The following EML4 variants were observed in gnomAD, a reference collection of about 807,000 sequenced individuals.
EML4 encodes the protein EMAP like 4, also known as echinoderm microtubule-associated protein-like 4.
A neutral mutation model predicts 129.0 loss-of-function variants in EML4; 72 were observed. That is an observed-to-expected ratio of 0.56 (90% confidence interval 0.46 to 0.68). The LOEUF (loss-of-function observed/expected upper bound fraction) is 0.68. Ranked by LOEUF, EML4 falls within the 30% of genes least tolerant of loss-of-function variation. The probability of loss-of-function intolerance (pLI) is 0.00; values close to 1 mark genes in which losing one functional copy is unlikely to be tolerated. For synonymous variants in EML4, 532 were observed against 405.0 expected, an observed-to-expected ratio of 1.31 and a Z score of -3.77; for missense variants, 1,363 against 1,190.6, an observed-to-expected ratio of 1.14 and a Z score of -2.13.
chr2:42,261,240 C>G lies in EML4; in HGVS notation c.458C>G (p.Pro153Arg). The change falls in exon 4 of 23, where the codon CCT becomes CGT. Residue 153 changes from proline (P) to arginine (R), a missense_variant. Coordinates refer to ENST00000318522, the MANE Select transcript of EML4 (RefSeq NM_019063.5). ...ASPSPQPSSQ[P>R]LQIHRQTPES... ...CCTTCTCCCCAGCCCTCTTCACAAC[C>G]TCTCCAAATACACAGACAAACTCCA... 1 of 1,614,006 alleles carries G rather than the reference C, an allele frequency of 6.2e-7. No individual in the cohort carries two copies. Among genetic ancestry groups the G allele is most frequent in the East Asian group, 2.2e-5 (1 of 44,852 alleles).
At chr2:42,304,637 T>C in intron 17 of EML4, 86 bp downstream of exon 17, 2 of 999,780 alleles carry the variant, frequency 2.0e-6, no homozygotes, top group South Asian at 2.6e-5. Flanking sequence ...ATCTGGAGAA[T>C]TAATCTCTTA....
intron 3 of EML4, among the ~76,000 whole-genome samples, chr2:42,258,095 A>G (rs988624054): frequency 7.2e-5 from 11 of 152,124 alleles, no homozygotes; most frequent in African/African-American, 2.2e-4. Context: ...AGTGATCAGT[A>G]TTATGCACAT....
At position 42,330,275 on chromosome 2, in the gene EML4, G is replaced by C. The variant is rs1222743341; in HGVS notation, c.*68G>C. Reference sequence around the variant, plus strand: ...ATTTTGTGATAAAGTTCAGGTAACAGGATGGGCAGTGATGGAGAATCACTG... The same window carrying C: ...ATTTTGTGATAAAGTTCAGGTAACACGATGGGCAGTGATGGAGAATCACTG... On this transcript the variant is annotated 3_prime_UTR_variant, in exon 23 of 23. Coordinates refer to ENST00000318522, the MANE Select transcript of EML4 (RefSeq NM_019063.5). The C allele has an allele frequency of 2.1e-6, 3 of 1,398,808 alleles. No individual in the cohort carries two copies. The highest frequency in any genetic ancestry group is 2.3e-5 in the East Asian group (1 of 43,398). The allele number at this position is 1,398,808 out of a possible 1,614,324, so 86.6% of individuals were successfully genotyped here. A position where few individuals can be genotyped will look rare whatever the true frequency, so the allele number is the denominator to read the frequency against.
chr2:42,246,912 G>C (rs1675437614), intron 2 of EML4, among the ~76,000 whole-genome samples: 1 of 152,218 alleles, frequency 6.6e-6, no homozygotes, highest in African/African-American at 2.4e-5. Context: ...TTTTAGTGGA[G>C]TAATAGAACT....
At chr2:42,236,147 A>G (rs968720487) in intron 1 of EML4, among the ~76,000 whole-genome samples, 5 of 152,306 alleles carry the variant, frequency 3.3e-5, no homozygotes, top group African/African-American at 1.2e-4. Flanking sequence ...GTTTTATTCT[A>G]AACATTGTAT....
chr2:42,220,822 C>A (rs920998621), intron 1 of EML4, among the ~76,000 whole-genome samples: 9 of 152,148 alleles, frequency 5.9e-5, no homozygotes, highest in African/African-American at 2.2e-4. Flanking sequence ...TAAAGTTAAA[C>A]AGCCTTATTG....
chr2:42,325,748 G>A (rs1029083927), intron 20 of EML4, among the ~76,000 whole-genome samples, 194 bp downstream of exon 20: 1 of 150,840 alleles, frequency 6.6e-6, no homozygotes, highest in Admixed American at 6.6e-5. Flanking sequence ...GTTATGCTGA[G>A]CTAAGGTAAT....
chr2:42,242,873 G>A (rs1395525923), intron 1 of EML4, among the ~76,000 whole-genome samples: 1 of 151,852 alleles, frequency 6.6e-6, no homozygotes, highest in Non-Finnish European at 1.5e-5. Flanking sequence ...CTTTGACTGG[G>A]TTTAAGTGAG....
At chr2:42,296,579 C>T (rs1667970163) in intron 13 of EML4, among the ~76,000 whole-genome samples, 1 of 152,000 alleles carries the variant, frequency 6.6e-6, no homozygotes, top group South Asian at 2.1e-4. Flanking sequence ...TCAGAAAGAC[C>T]CGATTTACAT....
At chr2:42,240,668 TA>T (rs1275728137) in intron 1 of EML4, among the ~76,000 whole-genome samples, 2 of 152,210 alleles carry the variant, frequency 1.3e-5, no homozygotes, top group Non-Finnish European at 2.9e-5. Context: ...AGGTCATTTC[TA>T]ATTTTGTGGC....
Position 42,331,027 on chromosome 2 carries a change from G to T in EML4, c.*820G>T. 1 of 214,748 alleles carries T rather than the reference G, an allele frequency of 4.7e-6. No homozygotes were observed. Among genetic ancestry groups the T allele is most frequent in the African/African-American group, 2.3e-5 (1 of 44,424 alleles). The allele number at this position is 214,748 out of a possible 1,614,324, so 13.3% of individuals were successfully genotyped here. Reference sequence around the variant, plus strand: ...TCAAATGTTTGAGATTCAAGTGAATGGAAGGAAAACCACATGCCTTTAAAA... The same window carrying T: ...TCAAATGTTTGAGATTCAAGTGAATTGAAGGAAAACCACATGCCTTTAAAA... On this transcript the variant is annotated 3_prime_UTR_variant, in exon 23 of 23. Transcript: ENST00000318522.
At chr2:42,211,257 G>A (rs1210316099) in intron 1 of EML4, among the ~76,000 whole-genome samples, 1 of 152,132 alleles carries the variant, frequency 6.6e-6, no homozygotes, top group East Asian at 1.9e-4. Context: ...ACATACTCCT[G>A]TGTGTTGTAC....
chr2:42,329,886 T>C lies in EML4; in HGVS notation c.2625T>C (p.Thr875=). ...AGTTATCTTTGCCTCAGAATGAGAC[T>C]GTAGCGGATACTACTCTAACCAAAG... is the stretch of plus-strand genomic sequence containing the variant. ...VEKLSLPQNE[T]VADTTLTKAP... Residue 875 remains threonine (T), a synonymous_variant, in exon 23 of 23, where the codon ACT becomes ACC. Transcript: ENST00000318522. The C allele has an allele frequency of 6.2e-7, 1 of 1,614,144 alleles. No homozygotes were observed.
intron 17 of EML4, among the ~76,000 whole-genome samples, chr2:42,312,142 A>G (rs1160992196): frequency 1.3e-5 from 2 of 152,246 alleles, no homozygotes; most frequent in Admixed American, 6.5e-5. Flanking sequence ...ACCTGAGTAG[A>G]TAACAAAATT....
Position 42,282,963 on chromosome 2 carries a change from G to C in EML4, c.932G>C (p.Cys311Ser), listed in dbSNP as rs1667094145. The C allele has an allele frequency of 1.9e-6, 3 of 1,608,654 alleles. No homozygotes were observed. The highest frequency in any genetic ancestry group is 2.5e-6 in the Non-Finnish European group (3 of 1,178,478). ...CGACACTACCTGGGCCATACAGACTGTGTGAAATGGTTGGTATCATTTAAC... is the reference window on the plus strand; with the variant it reads ...CGACACTACCTGGGCCATACAGACTCTGTGAAATGGTTGGTATCATTTAAC... ...TQRHYLGHTDCVKCLAIHPDK... is the reference protein window; with the variant it reads ...TQRHYLGHTDSVKCLAIHPDK... The change falls in exon 8 of 23, where the codon TGT (cysteine) becomes TCT (serine). Residue 311 changes from cysteine to serine, a missense_variant. Transcript: ENST00000318522.
chr2:42,274,060 T>G (rs947088089), intron 6 of EML4, among the ~76,000 whole-genome samples: 1 of 152,210 alleles, frequency 6.6e-6, no homozygotes, highest in Non-Finnish European at 1.5e-5. Flanking sequence ...ACAGTAAATA[T>G]TTCTAGCATT....
At position 42,169,932 on chromosome 2, in the gene EML4, A is replaced by G. The variant is rs1206529316; in HGVS notation, c.25+296A>G. ...CTTCTCAGGCCCCCCGATAGCTGGC[A>G]CACCCCTCCCCGTACACTCACGGCT... On this transcript the variant is annotated intron_variant, in intron 1 of 22. Transcript: ENST00000318522. The G allele has an allele frequency of 1.1e-5, 4 of 355,570 alleles. No homozygotes were observed. The Admixed American group carries it at 1.4e-4, about 13-fold the overall frequency. 22.0% of individuals were successfully genotyped at this position (355,570 alleles called of 1,614,324 possible). A position where few individuals can be genotyped will look rare whatever the true frequency, so the allele number is the denominator to read the frequency against.
At chr2:42,268,221 C>G (rs1234542316) in intron 6 of EML4, among the ~76,000 whole-genome samples, 1 of 151,874 alleles carries the variant, frequency 6.6e-6, no homozygotes, top group Non-Finnish European at 1.5e-5. Flanking sequence ...CATGTATAAA[C>G]TTTTTTTTGT....
intron 14 of EML4, among the ~76,000 whole-genome samples, chr2:42,302,253 A>G (rs901816025): frequency 6.6e-6 from 1 of 152,124 alleles, no homozygotes; most frequent in African/African-American, 2.4e-5. Flanking sequence ...ATGGGATACA[A>G]TCTGATGTTT....
Sources: gnomAD v4.1 joint callset for allele counts (sites outside exome capture counted in the v4.1 genomes callset) on GRCh38, gnomAD v4.1.1 for gene constraint, MANE v1.5 for transcripts, NCBI Gene and HGNC (gene_info 2026-07-23, HGNC 2026-07-21) for gene names.